SYNE2: variants seen among roughly 807,000 people sequenced by gnomAD.
SYNE2 encodes the protein spectrin repeat containing nuclear envelope protein 2.
A neutral mutation model predicts 856.3 loss-of-function variants in SYNE2; 431 were observed. The observed-to-expected ratio is 0.50, with a 90% CI of 0.47 to 0.55. The LOEUF (loss-of-function observed/expected upper bound fraction) is 0.55, where lower values mean the gene tolerates loss of function less well. Ranked by LOEUF, SYNE2 falls within the 20% of genes least tolerant of loss-of-function variation. The probability of loss-of-function intolerance (pLI) is 0.00; values close to 1 mark genes in which losing one functional copy is unlikely to be tolerated. For missense variants in SYNE2, 8,129 were observed against 8,023.2 expected (o/e 1.01, Z -0.50); for synonymous variants, 2,923 against 2,872.3 (o/e 1.02, Z -0.56).
intron 103 of SYNE2, among the ~76,000 whole-genome samples, chr14:64,211,582 G>C (rs1233338880): frequency 1.3e-5 from 2 of 152,234 alleles, no homozygotes; most frequent in African/African-American, 4.8e-5. Flanking sequence ...TGTAAAACAG[G>C]CAGAAGGCCT....
intron 64 of SYNE2, among the ~76,000 whole-genome samples, chr14:64,106,413 G>A (rs2097771803): frequency 1.3e-5 from 2 of 152,184 alleles, no homozygotes; most frequent in African/African-American, 2.4e-5. Context: ...ACTTTGGGAG[G>A]CCGAGGCGAG....
At chr14:63,889,076 T>C (rs1334059714) in intron 1 of SYNE2, among the ~76,000 whole-genome samples, 4 of 134,536 alleles carry the variant, frequency 3.0e-5, no homozygotes, top group African/African-American at 5.5e-5. Context: ...AAAAAAAGGG[T>C]AAAGACCTAT....
At chr14:63,936,321 A>G (rs1369695080) in intron 2 of SYNE2, among the ~76,000 whole-genome samples, 4 of 152,226 alleles carry the variant, frequency 2.6e-5, no homozygotes, top group African/African-American at 9.6e-5. Flanking sequence ...GACATTAACA[A>G]TAAACTTACT....
intron 45 of SYNE2, among the ~76,000 whole-genome samples, chr14:64,042,763 C>CT (rs34454361): frequency 0.76 from 115,431 of 151,998 alleles, 45,880 homozygotes; most frequent in Non-Finnish European, 0.88. Flanking sequence ...AAACCTCTTT[C>CT]TTTTTTAAAT....
intron 1 of SYNE2, among the ~76,000 whole-genome samples, chr14:63,769,567 G>T (rs1363347197): frequency 6.6e-6 from 1 of 151,714 alleles, no homozygotes; most frequent in Non-Finnish European, 1.5e-5. Context: ...ACTTCGGGAG[G>T]CTGAGACAGG....
At chr14:64,213,159 C>T (rs2098650084) in intron 105 of SYNE2, among the ~76,000 whole-genome samples, 154 bp downstream of exon 105, 1 of 152,134 alleles carries the variant, frequency 6.6e-6, no homozygotes, top group African/African-American at 2.4e-5. Context: ...TTTTAATTTC[C>T]ACTTTTATTA....
At chr14:64,007,295 G>A in intron 31 of SYNE2, 73 bp downstream of exon 31, 2 of 1,432,460 alleles carry the variant, frequency 1.4e-6, no homozygotes, top group Admixed American at 3.3e-5. Context: ...CAAACTTCTG[G>A]GTTGAAAACA....
intron 57 of SYNE2, chr14:64,084,954 C>A (rs1345140540): frequency 1.4e-6 from 1 of 702,154 alleles, no homozygotes; most frequent in Non-Finnish European, 2.6e-6. Flanking sequence ...AAAAGATCTG[C>A]TTCTACTTAC....
rs886050602 is a variant in SYNE2 at position 64,225,671 on chromosome 14, C to T, written c.*145C>T. ...CTTCTGGGCTTACCCAGCACGGGCT[C>T]CCTGGAGCCCAGGGCAGCTTTCAGA... is the stretch of plus-strand genomic sequence containing the variant. On this transcript the variant is annotated 3_prime_UTR_variant, in exon 116 of 116. Transcript: ENST00000555002. The T allele has an allele frequency of 3.3e-6, 3 of 896,668 alleles. No homozygotes were observed. Among genetic ancestry groups the T allele is most frequent in the South Asian group, 1.4e-5 (1 of 70,372 alleles). 55.5% of individuals were successfully genotyped at this position (896,668 alleles called of 1,614,324 possible).
At chr14:64,123,976 G>A (rs575722642) in intron 70 of SYNE2, among the ~76,000 whole-genome samples, 13 of 151,638 alleles carry the variant, frequency 8.6e-5, no homozygotes, top group Admixed American at 3.9e-4. Context: ...AGCCTGAGGC[G>A]TGTGGATCAC....
chr14:64,070,861 A>G lies in SYNE2; in HGVS notation c.10648A>G (p.Thr3550Ala). The G allele has an allele frequency of 1.2e-6, 2 of 1,614,198 alleles. No individual in the cohort carries two copies. The highest frequency in any genetic ancestry group is 1.1e-5 in the South Asian group (1 of 91,084). Residue 3550 changes from threonine to alanine, a missense_variant, in exon 52 of 116, where the codon ACT becomes GCT. Thr to Ala is a moderately conservative substitution (Grantham distance 58). Coordinates refer to ENST00000555002, the MANE Select transcript of SYNE2 (RefSeq NM_182914.3). ...NVPESSGAVE[T>A]VPAFQEITSM... ...TCCTGAAAGCTCAGGGGCTGTGGAA[A>G]CTGTTCCAGCATTTCAAGAAATTAC...
chr14:63,970,608 C>T (rs1357754877), intron 11 of SYNE2, among the ~76,000 whole-genome samples: 2 of 145,190 alleles, frequency 1.4e-5, no homozygotes, highest in East Asian at 4.0e-4. Context: ...TCTGCTTTTT[C>T]TATCTCTGTT....
chr14:63,791,269 C>G (rs752984967), intron 1 of SYNE2, among the ~76,000 whole-genome samples: 8 of 152,116 alleles, frequency 5.3e-5, no homozygotes, highest in Non-Finnish European at 1.2e-4. Flanking sequence ...CAGAGTGATT[C>G]TGATTGGCCC....
intron 49 of SYNE2, among the ~76,000 whole-genome samples, chr14:64,060,284 C>T (rs2097306279): frequency 6.6e-6 from 1 of 152,182 alleles, no homozygotes; most frequent in African/African-American, 2.4e-5. Flanking sequence ...GTCTCAGTCT[C>T]ACCCAAGGCC....
At chr14:63,914,344 G>A (rs2095510645) in intron 2 of SYNE2, among the ~76,000 whole-genome samples, 1 of 152,194 alleles carries the variant, frequency 6.6e-6, no homozygotes, top group African/African-American at 2.4e-5. Context: ...CCCTTCCGAA[G>A]TATTTCTGAG....
intron 2 of SYNE2, among the ~76,000 whole-genome samples, chr14:63,931,277 C>T (rs751674867): frequency 1.6e-4 from 24 of 151,978 alleles, no homozygotes; most frequent in Non-Finnish European, 2.6e-4. Flanking sequence ...ATTGGCCAGG[C>T]GCAGTGGCTC....
At chr14:63,880,197 T>C (rs1471043452) in intron 1 of SYNE2, among the ~76,000 whole-genome samples, 1 of 152,050 alleles carries the variant, frequency 6.6e-6, no homozygotes, top group Non-Finnish European at 1.5e-5. Context: ...CTCAGGTGAG[T>C]CTCCTGCCTC....
intron 90 of SYNE2, 99 bp downstream of exon 90, chr14:64,165,509 C>T: frequency 7.5e-7 from 1 of 1,333,200 alleles, no homozygotes; most frequent in East Asian, 2.3e-5. Flanking sequence ...TGCATCCTAA[C>T]TCACTCTTAT....
chr14:63,847,265 A>G (rs1325611821), intron 1 of SYNE2, among the ~76,000 whole-genome samples: 1 of 151,624 alleles, frequency 6.6e-6, no homozygotes, highest in Admixed American at 6.6e-5. Context: ...GGTAACATAT[A>G]GAGACCCTGC....
Sources: gnomAD v4.1 joint callset for allele counts (sites outside exome capture counted in the v4.1 genomes callset) on GRCh38, gnomAD v4.1.1 for gene constraint, MANE v1.5 for transcripts, NCBI Gene and HGNC (gene_info 2026-07-23, HGNC 2026-07-21) for gene names.